CNBD1: variants seen among roughly 807,000 people sequenced by gnomAD.
CNBD1 encodes the protein cyclic nucleotide-binding domain-containing protein 1.
CNBD1 carries 71 observed loss-of-function variants against 54.4 expected under a neutral mutation model. The ratio of observed to expected loss-of-function variants is 1.30; its 90% CI spans 1.08 to 1.59. CNBD1 has a LOEUF of 1.59. CNBD1 is among the 40% of genes most tolerant of loss of function. The pLI, the probability that CNBD1 is intolerant of heterozygous loss-of-function variation, is 0.00. For missense variants in CNBD1, 659 were observed against 518.0 expected (o/e 1.27, Z -2.64); for synonymous variants, 182 against 170.7 (o/e 1.07, Z -0.51).
intron 4 of CNBD1, among the ~76,000 whole-genome samples, chr8:87,153,719 G>T (rs113501207): frequency 6.6e-6 from 1 of 152,208 alleles, no homozygotes; most frequent in African/African-American, 2.4e-5. Context: ...GTGCAATGGA[G>T]ATACATGAGT....
intron 10 of CNBD1, among the ~76,000 whole-genome samples, chr8:87,373,437 A>G (rs1215845717): frequency 6.6e-6 from 1 of 151,862 alleles, no homozygotes; most frequent in Non-Finnish European, 1.5e-5. Context: ...GCTTACCTAA[A>G]CATGAAACAT....
intron 10 of CNBD1, among the ~76,000 whole-genome samples, chr8:87,372,721 A>C (rs1289323714): frequency 1.3e-5 from 2 of 151,834 alleles, no homozygotes; most frequent in African/African-American, 4.8e-5. Context: ...AAATTCTCAA[A>C]CTTTTATGTG....
intron 5 of CNBD1, among the ~76,000 whole-genome samples, chr8:87,233,967 T>C (rs1444081548): frequency 6.6e-6 from 1 of 152,206 alleles, no homozygotes; most frequent in East Asian, 1.9e-4. Context: ...TCAAAATCTT[T>C]TTTAAAATTC....
chr8:86,959,049 G>GA (rs112646293), intron 4 of CNBD1, among the ~76,000 whole-genome samples: 23 of 152,266 alleles, frequency 1.5e-4, no homozygotes, highest in African/African-American at 5.1e-4. Flanking sequence ...GCCTGGTGGT[G>GA]ACAGAATCTC....
intron 10 of CNBD1, among the ~76,000 whole-genome samples, chr8:87,364,922 T>G (rs898868748): frequency 3.3e-5 from 5 of 152,102 alleles, no homozygotes; most frequent in African/African-American, 1.2e-4. Flanking sequence ...TTCCATGTCT[T>G]TGCTATTATG....
intron 4 of CNBD1, among the ~76,000 whole-genome samples, chr8:86,949,718 T>C (rs1048011649): frequency 6.6e-6 from 1 of 151,928 alleles, no homozygotes; most frequent in African/African-American, 2.4e-5. Context: ...TTTTTTTTCT[T>C]TTGTGTGATT....
At chr8:87,425,139 A>C (rs534327384) in intron 2 of CNBD1, among the ~76,000 whole-genome samples, 5 of 151,238 alleles carry the variant, frequency 3.3e-5, no homozygotes, top group African/African-American at 9.7e-5. Context: ...TGCATTCTTC[A>C]CGTAGTTCTC....
At chr8:87,189,570 T>C (rs1259817885) in intron 4 of CNBD1, among the ~76,000 whole-genome samples, 1 of 152,058 alleles carries the variant, frequency 6.6e-6, no homozygotes, top group Non-Finnish European at 1.5e-5. Context: ...GTAAAAAAAT[T>C]AGTAATCTAT....
intron 3 of CNBD1, among the ~76,000 whole-genome samples, chr8:86,932,225 A>G (rs941160628): frequency 3.3e-5 from 5 of 152,184 alleles, no homozygotes; most frequent in Non-Finnish European, 7.3e-5. Context: ...GGACATCTAT[A>G]TCCCTATCAG....
At chr8:87,267,556 T>C (rs1268588233) in intron 6 of CNBD1, among the ~76,000 whole-genome samples, 1 of 152,156 alleles carries the variant, frequency 6.6e-6, no homozygotes, top group Non-Finnish European at 1.5e-5. Context: ...CTATTATATA[T>C]CAAATGAGGT....
chr8:87,278,677 G>C (rs1808531407), intron 6 of CNBD1, among the ~76,000 whole-genome samples: 1 of 151,480 alleles, frequency 6.6e-6, no homozygotes, highest in Non-Finnish European at 1.5e-5. Flanking sequence ...AACTTTGGCA[G>C]AAACAAAGTT....
chr8:87,402,530 G>C (rs1000361390), intron 2 of CNBD1, among the ~76,000 whole-genome samples: 1 of 152,024 alleles, frequency 6.6e-6, no homozygotes, highest in African/African-American at 2.4e-5. Context: ...AGCTGAGATG[G>C]ACATAAGGAC....
intron 2 of CNBD1, among the ~76,000 whole-genome samples, chr8:87,428,043 C>T (rs10112865): frequency 0.3 from 45,959 of 151,392 alleles, 7,288 homozygotes; most frequent in Middle Eastern, 0.41. Context: ...TTTTTATTCT[C>T]ATACATGCCC....
chr8:86,883,947 C>T (rs964772834), intron 1 of CNBD1, among the ~76,000 whole-genome samples: 2 of 152,038 alleles, frequency 1.3e-5, no homozygotes, highest in East Asian at 3.9e-4. Flanking sequence ...GTCAGGAGAT[C>T]GAGACCATCC....
intron 2 of CNBD1, among the ~76,000 whole-genome samples, chr8:86,898,025 T>C (rs1808874445): frequency 1.3e-5 from 2 of 152,178 alleles, no homozygotes; most frequent in South Asian, 4.1e-4. Flanking sequence ...TGAAATATTA[T>C]GAAGAAGTTA....
At chr8:87,187,784 A>T (rs893807199) in intron 4 of CNBD1, among the ~76,000 whole-genome samples, 1 of 152,130 alleles carries the variant, frequency 6.6e-6, no homozygotes, top group African/African-American at 2.4e-5. Context: ...AATTCATTAT[A>T]ATATCTCTCT....
At position 86,951,581 on chromosome 8, in the gene CNBD1, C is replaced by CAAAAAAAAAAAAAAAAAAAA. The variant is rs71275901; in HGVS notation, c.431+11846_431+11865dup. Among the ~76,000 whole-genome samples, 51 of 37,360 alleles carry CAAAAAAAAAAAAAAAAAAAA rather than the reference C, an allele frequency of 1.4e-3. 15 individuals carry two copies. Among genetic ancestry groups the CAAAAAAAAAAAAAAAAAAAA allele is most frequent in the South Asian group, 2.6e-3 (2 of 774 alleles). 24.5% of individuals were successfully genotyped at this position (37,360 alleles called of 152,430 possible). A position where few individuals can be genotyped will look rare whatever the true frequency, so the allele number is the denominator to read the frequency against. ...GGTGACAGAGCGAGGCTCCGTCTCACAAAAAAAAAAAAAAAAAAAAAAAAA... is the reference window on the plus strand; with the variant it reads ...GGTGACAGAGCGAGGCTCCGTCTCACAAAAAAAAAAAAAAAAAAAAAAAAAAAAAAAAAAAAAAAAAAAAA... On this transcript the variant is annotated intron_variant, in intron 4 of 10. Coordinates refer to ENST00000518476, the MANE Select transcript of CNBD1 (RefSeq NM_173538.3).
chr8:86,964,355 C>T (rs1005393300), intron 4 of CNBD1, among the ~76,000 whole-genome samples: 1 of 152,174 alleles, frequency 6.6e-6, no homozygotes, highest in African/African-American at 2.4e-5. Flanking sequence ...TACTGCTATT[C>T]TTCCAACTAG....
intron 5 of CNBD1, among the ~76,000 whole-genome samples, chr8:87,231,247 TTTTTAACTGAAA>T (rs1563516988): frequency 6.6e-6 from 1 of 152,216 alleles, no homozygotes; most frequent in Non-Finnish European, 1.5e-5. Context: ...TGTAATGTAT[TTTTTAACTGAAA>T]ATGTCACATG....
Sources: allele counts gnomAD v4.1 joint callset (sites outside exome capture counted in the v4.1 genomes callset), GRCh38; gene constraint gnomAD v4.1.1; transcripts MANE v1.5; gene names NCBI Gene and HGNC (gene_info 2026-07-23, HGNC 2026-07-21).